The following AFF3 variants were observed in gnomAD, a reference collection of about 807,000 sequenced individuals.
AFF3 encodes ALF transcription elongation factor 3, also known as AF4/FMR2 family member 3.
A neutral mutation model predicts 129.7 loss-of-function variants in AFF3; 32 were observed. That is an observed-to-expected ratio of 0.25 (90% confidence interval 0.19 to 0.33). AFF3 has a LOEUF of 0.33. AFF3 is among the 10% of genes least tolerant of loss of function. AFF3 has a pLI of 1.00. For missense variants in AFF3, 1,373 were observed against 1,592.0 expected, an observed-to-expected ratio of 0.86 and a Z score of 2.34; for synonymous variants, 644 against 635.4, an observed-to-expected ratio of 1.01 and a Z score of -0.20.
chr2:100,019,710 C>T (rs901138094), intron 4 of AFF3, among the ~76,000 whole-genome samples: 1 of 152,180 alleles, frequency 6.6e-6, no homozygotes, highest in Non-Finnish European at 1.5e-5. Flanking sequence ...ACCACAAAAG[C>T]AGAATCGGGA....
chr2:99,830,994 G>A (rs758509234), intron 8 of AFF3, among the ~76,000 whole-genome samples: 5 of 152,140 alleles, frequency 3.3e-5, no homozygotes, highest in Non-Finnish European at 7.3e-5. Context: ...GGCAAGGCAC[G>A]CTCACACACA....
At chr2:99,733,453 T>A (rs1680005721) in intron 10 of AFF3, among the ~76,000 whole-genome samples, 1 of 152,074 alleles carries the variant, frequency 6.6e-6, no homozygotes, top group Admixed American at 6.5e-5. Context: ...TTATTTTTTC[T>A]ATTATCTTTG....
chr2:99,896,557 T>G (rs959087450), intron 7 of AFF3, among the ~76,000 whole-genome samples: 1 of 148,488 alleles, frequency 6.7e-6, no homozygotes, highest in South Asian at 2.1e-4. Flanking sequence ...CAGATTTAAG[T>G]GAAATGACTC....
intron 10 of AFF3, 47 bp downstream of exon 10, chr2:99,744,057 C>T: frequency 6.4e-7 from 1 of 1,551,726 alleles, no homozygotes; most frequent in Non-Finnish European, 8.8e-7. Context: ...CCCTCTGCCC[C>T]CACCCCCTGC....
At chr2:100,006,479 GTC>G in intron 7 of AFF3, 151 bp downstream of exon 7, 1 of 910,264 alleles carries the variant, frequency 1.1e-6, no homozygotes, top group Non-Finnish European at 1.6e-6. Flanking sequence ...CACTATTTAA[GTC>G]TGCCTCCCCT....
At chr2:99,968,281 T>C (rs78108708) in intron 7 of AFF3, among the ~76,000 whole-genome samples, 2,743 of 152,304 alleles carry the variant, frequency 0.018, 89 homozygotes, top group African/African-American at 0.063. Context: ...CTGACTTCAT[T>C]TCCTTCCATT....
chr2:100,059,325 G>C (rs1391708347), intron 4 of AFF3, among the ~76,000 whole-genome samples: 1 of 147,684 alleles, frequency 6.8e-6, no homozygotes, highest in African/African-American at 2.5e-5. Context: ...TAAATGAATG[G>C]CAAATAAGCA....
In AFF3 at chr2:99,568,935, T is replaced by C. The variant is rs1272578014; in HGVS notation, c.2919-20A>G. On this transcript the variant is annotated intron_variant, in intron 18 of 24. Coordinates refer to ENST00000672756, the MANE Select transcript of AFF3 (RefSeq NM_001386135.1). The stretch of plus-strand genomic sequence containing the variant: ...CGAGGCCTACAAGGAGAGAATGATA[T>C]TAAACGTCATTATGGCTTAAGTGCA... 6.2e-7 allele frequency: 1 copy of C among 1,607,716 alleles called. No individual in the cohort carries two copies. Among genetic ancestry groups the C allele is most frequent in the South Asian group, 1.1e-5 (1 of 90,928 alleles).
intron 13 of AFF3, among the ~76,000 whole-genome samples, chr2:99,643,055 AT>A (rs34572652): frequency 5.8e-3 from 588 of 100,812 alleles, no homozygotes; most frequent in African/African-American, 0.015. Flanking sequence ...TACTTAAAAG[AT>A]TTTTTTTTTT....
chr2:99,712,495 C>T (rs1307056734), intron 11 of AFF3, among the ~76,000 whole-genome samples: 1 of 152,248 alleles, frequency 6.6e-6, no homozygotes, highest in African/African-American at 2.4e-5. Flanking sequence ...TTCCTCACTC[C>T]TTTGGCACAA....
intron 11 of AFF3, among the ~76,000 whole-genome samples, chr2:99,705,228 A>T (rs1677241992): frequency 1.3e-5 from 2 of 152,174 alleles, no homozygotes; most frequent in Non-Finnish European, 2.9e-5. Flanking sequence ...GTGAGGGAGG[A>T]AGGGCTGGTG....
intron 7 of AFF3, among the ~76,000 whole-genome samples, chr2:99,938,255 T>G (rs1285565156): frequency 6.6e-6 from 1 of 152,188 alleles, no homozygotes; most frequent in African/African-American, 2.4e-5. Flanking sequence ...AAGACGGACA[T>G]GCGCACAACC....
chr2:100,133,525 G>C (rs1261001238), intron 1 of AFF3, among the ~76,000 whole-genome samples: 2 of 152,040 alleles, frequency 1.3e-5, no homozygotes, highest in African/African-American at 4.8e-5. Flanking sequence ...GTGACTTACA[G>C]CCTGGAACTC....
intron 11 of AFF3, among the ~76,000 whole-genome samples, chr2:99,701,625 A>G (rs925390799): frequency 3.3e-5 from 5 of 152,238 alleles, no homozygotes; most frequent in Non-Finnish European, 7.3e-5. Context: ...CGAAACCAGG[A>G]AACTGACATT....
intron 17 of AFF3, among the ~76,000 whole-genome samples, chr2:99,581,620 G>A (rs1383867468): frequency 6.6e-6 from 1 of 151,702 alleles, no homozygotes; most frequent in Non-Finnish European, 1.5e-5. Flanking sequence ...CCAGGTTCAA[G>A]CGATTCTCCT....
chr2:100,001,770 G>A (rs1269634254), intron 7 of AFF3, among the ~76,000 whole-genome samples: 1 of 152,192 alleles, frequency 6.6e-6, no homozygotes, highest in Non-Finnish European at 1.5e-5. Context: ...AACATAAAAG[G>A]ACTGGAAAAT....
chr2:99,714,166 A>G (rs1240359863), intron 11 of AFF3, among the ~76,000 whole-genome samples: 1 of 152,190 alleles, frequency 6.6e-6, no homozygotes, highest in Non-Finnish European at 1.5e-5. Flanking sequence ...CAAAACAAAT[A>G]CAACAGCAAT....
At chr2:99,615,919 G>A (rs541144537) in intron 13 of AFF3, among the ~76,000 whole-genome samples, 2 of 152,190 alleles carry the variant, frequency 1.3e-5, no homozygotes, top group Non-Finnish European at 2.9e-5. Flanking sequence ...GCTCCTACTC[G>A]ATGGCTTTTC....
chr2:100,013,227 G>A (rs946468417), intron 4 of AFF3, among the ~76,000 whole-genome samples: 7 of 152,122 alleles, frequency 4.6e-5, no homozygotes, highest in East Asian at 1.9e-4. Context: ...AGAAATAGAC[G>A]TCTAAACATG....
Sources: gnomAD v4.1 joint callset for allele counts (sites outside exome capture counted in the v4.1 genomes callset) on GRCh38, gnomAD v4.1.1 for gene constraint, MANE v1.5 for transcripts, NCBI Gene and HGNC (gene_info 2026-07-23, HGNC 2026-07-21) for gene names.